LRMDA: variants seen among roughly 807,000 people sequenced by gnomAD.
LRMDA encodes leucine rich melanocyte differentiation associated, also known as leucine-rich melanocyte differentiation-associated protein.
In LRMDA, 18 loss-of-function variants were observed where a neutral mutation model predicts 29.8. That is an observed-to-expected ratio of 0.60 (90% CI 0.42 to 0.90). The LOEUF (loss-of-function observed/expected upper bound fraction) is 0.90, where lower values mean the gene tolerates loss of function less well. Among genes scored for constraint, LRMDA ranks in the 40% least tolerant of loss-of-function variants. LRMDA has a pLI of 0.00. For synonymous variants in LRMDA, 125 were observed against 109.4 expected, an observed-to-expected ratio of 1.14 and a Z score of -0.89; for missense variants, 273 against 273.9, an observed-to-expected ratio of 1.00 and a Z score of 0.02.
intron 6 of LRMDA, among the ~76,000 whole-genome samples, chr10:76,545,055 C>T (rs2132388836): frequency 6.6e-6 from 1 of 152,180 alleles, no homozygotes; most frequent in Admixed American, 6.5e-5. Flanking sequence ...GGAGGCTGGA[C>T]CAATGGGCCC....
chr10:75,469,955 G>A (rs1029727580), intron 2 of LRMDA, among the ~76,000 whole-genome samples: 2 of 152,160 alleles, frequency 1.3e-5, no homozygotes, highest in African/African-American at 4.8e-5. Context: ...CACTAACCCT[G>A]AATCAGCAAT....
chr10:75,861,136 A>C (rs895792967), intron 2 of LRMDA, among the ~76,000 whole-genome samples: 2 of 152,212 alleles, frequency 1.3e-5, no homozygotes, highest in Non-Finnish European at 2.9e-5. Flanking sequence ...CCAATCATCA[A>C]ATGGGATGTG....
chr10:76,539,300 A>T (rs1843327006), intron 6 of LRMDA, among the ~76,000 whole-genome samples: 1 of 152,206 alleles, frequency 6.6e-6, no homozygotes, highest in South Asian at 2.1e-4. Context: ...CTGTATCATG[A>T]TGTCCACTAT....
intron 5 of LRMDA, among the ~76,000 whole-genome samples, chr10:76,161,263 T>C (rs1850642704): frequency 6.6e-6 from 1 of 152,190 alleles, no homozygotes; most frequent in Admixed American, 6.5e-5. Flanking sequence ...AACAGAGCCA[T>C]GTGCTCAGCC....
intron 6 of LRMDA, among the ~76,000 whole-genome samples, chr10:76,468,474 T>C (rs1342850455): frequency 6.6e-6 from 1 of 152,226 alleles, no homozygotes; most frequent in Non-Finnish European, 1.5e-5. Flanking sequence ...AGCTATTGTA[T>C]GCTTTTAAAC....
intron 2 of LRMDA, among the ~76,000 whole-genome samples, chr10:75,981,244 C>A (rs533837713): frequency 3.9e-5 from 6 of 152,250 alleles, no homozygotes; most frequent in African/African-American, 1.4e-4. Context: ...CATTTAAGTC[C>A]ATTTGTCTGA....
intron 6 of LRMDA, among the ~76,000 whole-genome samples, chr10:76,376,215 T>C (rs1256283772): frequency 2.0e-5 from 3 of 152,202 alleles, no homozygotes; most frequent in African/African-American, 4.8e-5. Context: ...GCGTATACAT[T>C]ATTTAGCTCC....
chr10:76,113,953 A>G (rs1230735212), intron 5 of LRMDA, among the ~76,000 whole-genome samples: 1 of 152,208 alleles, frequency 6.6e-6, no homozygotes, highest in Non-Finnish European at 1.5e-5. Context: ...GAAGATGCCA[A>G]ATGAAAAGTT....
At chr10:76,260,162 T>C (rs1289197181) in intron 5 of LRMDA, among the ~76,000 whole-genome samples, 1 of 152,166 alleles carries the variant, frequency 6.6e-6, no homozygotes, top group African/African-American at 2.4e-5. Context: ...GTTCTTTACT[T>C]CCTCTCTTAT....
chr10:76,101,375 A>T (rs536181679), intron 5 of LRMDA, among the ~76,000 whole-genome samples: 2 of 152,306 alleles, frequency 1.3e-5, no homozygotes, highest in African/African-American at 4.8e-5. Context: ...CTTTTGAACC[A>T]AAAGTTCTAG....
intron 5 of LRMDA, among the ~76,000 whole-genome samples, chr10:76,162,765 A>G (rs1485014794): frequency 6.6e-6 from 1 of 152,146 alleles, no homozygotes; most frequent in African/African-American, 2.4e-5. Flanking sequence ...TCAACATGAG[A>G]TTTGGGGAGG....
At chr10:75,661,612 A>T (rs747770535) in intron 2 of LRMDA, among the ~76,000 whole-genome samples, 11 of 152,114 alleles carry the variant, frequency 7.2e-5, no homozygotes, top group African/African-American at 1.2e-4. Context: ...AGATATATAT[A>T]TTTTTTTCTT....
At chr10:75,468,287 C>A (rs74896132) in intron 2 of LRMDA, among the ~76,000 whole-genome samples, 1 of 151,664 alleles carries the variant, frequency 6.6e-6, no homozygotes, top group Non-Finnish European at 1.5e-5. Context: ...TTTTGGGGTG[C>A]GGGGCGGGGT....
chr10:75,608,685 A>G (rs1189823385), intron 2 of LRMDA, among the ~76,000 whole-genome samples: 4 of 152,186 alleles, frequency 2.6e-5, no homozygotes, highest in Non-Finnish European at 4.4e-5. Context: ...TCTGCTATAC[A>G]CAGATCCAGA....
chr10:76,197,835 G>A (rs542754451), intron 5 of LRMDA, among the ~76,000 whole-genome samples: 1 of 151,794 alleles, frequency 6.6e-6, no homozygotes, highest in East Asian at 1.9e-4. Context: ...CAGAAGAATC[G>A]CTTGAACCCA....
intron 2 of LRMDA, among the ~76,000 whole-genome samples, chr10:75,519,991 A>G (rs1314743165): frequency 6.6e-6 from 1 of 152,222 alleles, no homozygotes; most frequent in African/African-American, 2.4e-5. Flanking sequence ...TTCTTTAAGA[A>G]TGTTGAATAT....
chr10:76,486,492 A>T (rs1261879975), intron 6 of LRMDA, among the ~76,000 whole-genome samples: 1 of 151,940 alleles, frequency 6.6e-6, no homozygotes, highest in Non-Finnish European at 1.5e-5. Context: ...CATATCATAC[A>T]CAAAATTAGA....
intron 2 of LRMDA, among the ~76,000 whole-genome samples, chr10:75,623,086 A>T (rs1384118302): frequency 6.6e-6 from 1 of 152,266 alleles, no homozygotes. Context: ...ATAATAAAAC[A>T]TGCTGAAGCA....
At chr10:76,444,269 T>A (rs1842331898) in intron 6 of LRMDA, among the ~76,000 whole-genome samples, 1 of 152,164 alleles carries the variant, frequency 6.6e-6, no homozygotes, top group South Asian at 2.1e-4. Flanking sequence ...GACCTATTTA[T>A]TTCAAGGACC....
Sources: gnomAD v4.1 joint callset for allele counts (sites outside exome capture counted in the v4.1 genomes callset) on GRCh38, gnomAD v4.1.1 for gene constraint, MANE v1.5 for transcripts, NCBI Gene and HGNC (gene_info 2026-07-23, HGNC 2026-07-21) for gene names.